MCF2L2: variants seen among roughly 807,000 people sequenced by gnomAD.
The protein encoded by MCF2L2 is probable guanine nucleotide exchange factor MCF2L2.
A neutral mutation model predicts 150.2 loss-of-function variants in MCF2L2; 102 were observed. The ratio of observed to expected loss-of-function variants is 0.68; its 90% CI spans 0.58 to 0.80. The LOEUF (loss-of-function observed/expected upper bound fraction) is 0.80, where lower values mean the gene tolerates loss of function less well. Ranked by LOEUF, MCF2L2 falls within the 30% of genes least tolerant of loss-of-function variation. The pLI is 0.00. For synonymous variants in MCF2L2, 465 were observed against 491.3 expected (o/e 0.95, Z 0.71); for missense variants, 1,256 against 1,372.8 (o/e 0.91, Z 1.34).
At position 183,300,095 on chromosome 3, in the gene MCF2L2, G is replaced by A; in HGVS notation, c.1215C>T (p.Leu405=). The A allele has an allele frequency of 6.2e-7, 1 of 1,613,908 alleles. No individual in the cohort carries two copies. Among genetic ancestry groups the A allele is most frequent in the Non-Finnish European group, 8.5e-7 (1 of 1,179,936 alleles). The stretch of plus-strand genomic sequence containing the variant: ...TGATGAAATCGTCACAGAGGTGCCT[G>A]AGCTCCACACACCGGGGCCTGATGG... ...ADAIRPRCVE[L]RHLCDDFING... Residue 405 remains leucine, a synonymous_variant, in exon 11 of 30, where the codon CTC becomes CTT. Coordinates refer to ENST00000328913, the MANE Select transcript of MCF2L2 (RefSeq NM_015078.4).
intron 3 of MCF2L2, among the ~76,000 whole-genome samples, chr3:183,369,008 C>T (rs1712700580): frequency 6.6e-6 from 1 of 152,130 alleles, no homozygotes; most frequent in Admixed American, 6.5e-5. Context: ...CTAATTCTGG[C>T]AGTGGTACTA....
chr3:183,315,799 C>T (rs1729579164), intron 7 of MCF2L2, among the ~76,000 whole-genome samples: 1 of 152,216 alleles, frequency 6.6e-6, no homozygotes, highest in African/African-American at 2.4e-5. Context: ...GCCTTGCCCA[C>T]CAGCATATAC....
In MCF2L2 at chr3:183,178,623, A is replaced by ATTCAGTTATTTAT. The variant is rs1721395193; in HGVS notation, c.*756_*757insATAAATAACTGAA. 1 of 150,406 alleles carries ATTCAGTTATTTAT rather than the reference A, an allele frequency of 6.6e-6. No homozygotes were observed. The highest frequency in any genetic ancestry group is 2.1e-4 in the South Asian group (1 of 4,836). 9.3% of individuals were successfully genotyped at this position (150,406 alleles called of 1,614,324 possible). ...CTATAAACCAGTAACTGAAACTATA[A>ATTCAGTTATTTAT]AATTAAATAACCAGAAAGCTACAAA... On this transcript the variant is annotated 3_prime_UTR_variant, in exon 30 of 30. Coordinates refer to ENST00000328913, the MANE Select transcript of MCF2L2 (RefSeq NM_015078.4).
chr3:183,353,112 C>T (rs926496322), intron 3 of MCF2L2, among the ~76,000 whole-genome samples: 13 of 151,842 alleles, frequency 8.6e-5, no homozygotes, highest in African/African-American at 2.2e-4. Context: ...TGTTGGCTTT[C>T]GCAAATGTTT....
intron 5 of MCF2L2, among the ~76,000 whole-genome samples, chr3:183,328,144 G>C (rs989309779): frequency 3.9e-5 from 6 of 152,218 alleles, no homozygotes; most frequent in Non-Finnish European, 1.5e-5. Flanking sequence ...CCAAGGTCCT[G>C]GAAGGGTGGT....
intron 1 of MCF2L2, among the ~76,000 whole-genome samples, chr3:183,412,525 C>A (rs1256715103): frequency 3.3e-5 from 5 of 152,066 alleles, no homozygotes; most frequent in Non-Finnish European, 2.9e-5. Flanking sequence ...TCTCAAACTC[C>A]TGACCTCAAG....
At position 183,257,958 on chromosome 3, in the gene MCF2L2, C is replaced by CTTT. The variant is rs35323502; in HGVS notation, c.1862+18911_1862+18913dup. Among the ~76,000 whole-genome samples the CTTT allele has an allele frequency of 2.4e-3, 155 of 64,734 alleles. 30 individuals carry two copies. The highest frequency in any genetic ancestry group is 4.4e-3 in the African/African-American group (64 of 14,394). 42.5% of individuals were successfully genotyped at this position (64,734 alleles called of 152,430 possible). A position where few individuals can be genotyped will look rare whatever the true frequency, so the allele number is the denominator to read the frequency against. ...TATTCCTTGCTCCCTCCACTTCACC[C>CTTT]TTTTTTTTTTTTTTTTTTTTTTTTT... On this transcript the variant is annotated intron_variant, in intron 15 of 29. Coordinates refer to ENST00000328913, the MANE Select transcript of MCF2L2 (RefSeq NM_015078.4).
chr3:183,294,242 A>G (rs1728329983), intron 13 of MCF2L2, among the ~76,000 whole-genome samples: 1 of 152,236 alleles, frequency 6.6e-6, no homozygotes. Flanking sequence ...CTTTGCTCAA[A>G]GAACCAATTT....
chr3:183,294,525 TTA>T (rs200803788), intron 13 of MCF2L2, among the ~76,000 whole-genome samples: 2,831 of 144,792 alleles, frequency 0.02, 59 homozygotes, highest in East Asian at 0.054. Context: ...GCTAATTTAT[TTA>T]TATATATATA....
chr3:183,275,966 A>T (rs749833466), intron 15 of MCF2L2, among the ~76,000 whole-genome samples: 1 of 152,228 alleles, frequency 6.6e-6, no homozygotes, highest in Non-Finnish European at 1.5e-5. Flanking sequence ...TAACTTAAAG[A>T]ACACTAAGAC....
chr3:183,281,674 C>G (rs1192322948), intron 14 of MCF2L2, among the ~76,000 whole-genome samples: 1 of 152,044 alleles, frequency 6.6e-6, no homozygotes, highest in African/African-American at 2.4e-5. Flanking sequence ...TACCTTTAGT[C>G]CAGATCAGCT....
chr3:183,411,132 C>A lies in MCF2L2; in HGVS notation c.76+16770G>T, dbSNP rs531637138. ...GGTCCTGCCACTTACCAGCAAGATGCTCCAAAAGGAGCTAATTTTTTTTTT... is the reference window on the plus strand; with the variant it reads ...GGTCCTGCCACTTACCAGCAAGATGATCCAAAAGGAGCTAATTTTTTTTTT... On this transcript the variant is annotated intron_variant, in intron 1 of 29. Transcript: ENST00000328913. Among the ~76,000 whole-genome samples the A allele has an allele frequency of 3.9e-5, 6 of 152,244 alleles. No individual in the cohort carries two copies. The East Asian group carries it at 7.7e-4, about 20-fold the overall frequency.
At chr3:183,282,154 T>G (rs1304534295) in intron 14 of MCF2L2, among the ~76,000 whole-genome samples, 10 of 151,312 alleles carry the variant, frequency 6.6e-5, no homozygotes, top group African/African-American at 2.4e-4. Flanking sequence ...TAAATTGGCT[T>G]TTATTATTAT....
chr3:183,377,801 C>A (rs1713275326), intron 3 of MCF2L2: 1 of 152,166 alleles, frequency 6.6e-6, no homozygotes, highest in Non-Finnish European at 1.5e-5. Context: ...AGGTGTGCCA[C>A]AGAGAAACAC....
At chr3:183,357,311 A>G (rs1310716500) in intron 3 of MCF2L2, among the ~76,000 whole-genome samples, 1 of 152,234 alleles carries the variant, frequency 6.6e-6, no homozygotes, top group Non-Finnish European at 1.5e-5. Flanking sequence ...AATTTTCAAC[A>G]GAACTACTTC....
chr3:183,228,315 T>G lies in MCF2L2; in HGVS notation c.2097A>C (p.Ala699=), dbSNP rs370416625. 214 of 1,613,470 alleles carry G rather than the reference T, an allele frequency of 1.3e-4. No individual in the cohort carries two copies. The highest frequency in any genetic ancestry group is 1.7e-4 in the Non-Finnish European group (199 of 1,179,564). ...EKCAENPELL[A]HCFLKRKEDL... ...GACTTACTCTCTTGAGAAAGCAATG[T>G]GCCAGAAGTTCAGGGTTCTCAGCAC... is the stretch of plus-strand genomic sequence containing the variant. Residue 699 remains alanine, a synonymous_variant, in exon 18 of 30, where the codon GCA becomes GCC. Transcript: ENST00000328913.
At chr3:183,379,219 T>C (rs1003547761) in intron 3 of MCF2L2, 78 bp downstream of exon 3, 37 of 1,062,766 alleles carry the variant, frequency 3.5e-5, no homozygotes, top group Non-Finnish European at 4.8e-5. Flanking sequence ...GAAGTATATG[T>C]CTCAACCCAG....
intron 22 of MCF2L2, among the ~76,000 whole-genome samples, chr3:183,215,597 T>C (rs1328225149): frequency 6.6e-6 from 1 of 152,202 alleles, no homozygotes; most frequent in Admixed American, 6.5e-5. Context: ...AAAATACTTT[T>C]CTTAGAGAAA....
chr3:183,294,416 A>C (rs1325778261), intron 13 of MCF2L2, among the ~76,000 whole-genome samples: 1 of 151,782 alleles, frequency 6.6e-6, no homozygotes, highest in East Asian at 1.9e-4. Context: ...CAATGGCGCA[A>C]TCTCTGCTCA....
Sources: allele counts gnomAD v4.1 joint callset (sites outside exome capture counted in the v4.1 genomes callset), GRCh38; gene constraint gnomAD v4.1.1; transcripts MANE v1.5; gene names NCBI Gene and HGNC (gene_info 2026-07-23, HGNC 2026-07-21).